AGBL4: variants seen among roughly 807,000 people sequenced by gnomAD.
AGBL4 encodes the protein AGBL carboxypeptidase 4, also known as cytosolic carboxypeptidase 6.
AGBL4 carries 58 observed loss-of-function variants against 66.4 expected under a neutral mutation model. The ratio of observed to expected loss-of-function variants is 0.87; its 90% CI spans 0.71 to 1.09. The LOEUF (loss-of-function observed/expected upper bound fraction) is 1.09, where lower values mean the gene tolerates loss of function less well. AGBL4 is among the 50% of genes least tolerant of loss of function. The pLI is 0.00. For synonymous variants in AGBL4, 234 were observed against 222.9 expected (o/e 1.05, Z -0.44); for missense variants, 579 against 631.0 (o/e 0.92, Z 0.88).
At chr1:48,545,411 G>C (rs1391153641) in intron 11 of AGBL4, among the ~76,000 whole-genome samples, 2 of 152,148 alleles carry the variant, frequency 1.3e-5, no homozygotes, top group Non-Finnish European at 2.9e-5. Flanking sequence ...TTTGAGTCAA[G>C]AAACAGGACA....
intron 6 of AGBL4, among the ~76,000 whole-genome samples, chr1:48,687,272 G>A (rs1373036014): frequency 6.6e-6 from 1 of 152,220 alleles, no homozygotes; most frequent in African/African-American, 2.4e-5. Context: ...GGCCAGGGGA[G>A]CTGCCAACCA....
intron 6 of AGBL4, among the ~76,000 whole-genome samples, chr1:48,774,733 A>G (rs1287757990): frequency 6.6e-6 from 1 of 152,328 alleles, no homozygotes; most frequent in East Asian, 1.9e-4. Flanking sequence ...TCAAAATCAG[A>G]GCTGGTGGGA....
chr1:49,286,667 A>T (rs1314669648), intron 3 of AGBL4, among the ~76,000 whole-genome samples: 2 of 151,980 alleles, frequency 1.3e-5, no homozygotes, highest in East Asian at 3.9e-4. Flanking sequence ...GATGTGAAGG[A>T]CCTCTTCAAG....
intron 3 of AGBL4, among the ~76,000 whole-genome samples, chr1:49,393,461 T>A (rs1644891813): frequency 6.6e-6 from 1 of 152,168 alleles, no homozygotes; most frequent in African/African-American, 2.4e-5. Flanking sequence ...TTGATTTTGT[T>A]CAGTTGATAT....
At chr1:49,138,809 G>A (rs1646062525) in intron 4 of AGBL4, among the ~76,000 whole-genome samples, 1 of 152,114 alleles carries the variant, frequency 6.6e-6, no homozygotes, top group Admixed American at 6.6e-5. Context: ...TGTCAGCACT[G>A]GATTAGAGGA....
intron 5 of AGBL4, among the ~76,000 whole-genome samples, chr1:48,884,658 A>G (rs1650133054): frequency 6.6e-6 from 1 of 152,208 alleles, no homozygotes. Context: ...GATGGAGCAG[A>G]CAAGACATGC....
intron 4 of AGBL4, among the ~76,000 whole-genome samples, chr1:49,154,478 A>C (rs1646394152): frequency 6.6e-6 from 1 of 152,158 alleles, no homozygotes; most frequent in South Asian, 2.1e-4. Context: ...GACTGACCTC[A>C]ACACTGCACA....
chr1:49,054,326 A>G (rs547610798), intron 4 of AGBL4, among the ~76,000 whole-genome samples: 1 of 152,190 alleles, frequency 6.6e-6, no homozygotes, highest in South Asian at 2.1e-4. Flanking sequence ...AAGCTTTTGG[A>G]AATTAATTCT....
intron 10 of AGBL4, among the ~76,000 whole-genome samples, chr1:48,588,726 C>G (rs1644863251): frequency 6.7e-6 from 1 of 149,898 alleles, no homozygotes; most frequent in Admixed American, 6.7e-5. Flanking sequence ...CATAGAATGT[C>G]AGATCTGAAA....
chr1:49,645,265 T>C (rs1304943150), intron 3 of AGBL4, among the ~76,000 whole-genome samples: 1 of 151,314 alleles, frequency 6.6e-6, no homozygotes, highest in Non-Finnish European at 1.5e-5. Flanking sequence ...GCAAAAGTAA[T>C]ATGGAAAATT....
At chr1:49,456,124 G>A (rs767589883) in intron 3 of AGBL4, among the ~76,000 whole-genome samples, 6 of 151,620 alleles carry the variant, frequency 4.0e-5, no homozygotes, top group African/African-American at 7.3e-5. Context: ...TGAGCTTCCC[G>A]CCCTTTCTGC....
chr1:48,860,864 A>C (rs549931772), intron 6 of AGBL4, among the ~76,000 whole-genome samples: 1 of 152,364 alleles, frequency 6.6e-6, no homozygotes, highest in South Asian at 2.1e-4. Context: ...TTAAAATTTC[A>C]AAACACATGA....
intron 3 of AGBL4, among the ~76,000 whole-genome samples, chr1:49,317,163 C>T (rs960299464): frequency 9.2e-5 from 14 of 151,584 alleles, no homozygotes; most frequent in African/African-American, 2.4e-4. Context: ...GGTTATGAGC[C>T]GGATTTTTTG....
intron 4 of AGBL4, chr1:49,175,062 C>T (rs568281742): frequency 1.8e-4 from 28 of 152,120 alleles, no homozygotes; most frequent in African/African-American, 6.3e-4. Flanking sequence ...AGATTTTGTC[C>T]AAATTCCTTC....
chr1:49,607,551 G>A (rs1003355964), intron 3 of AGBL4, among the ~76,000 whole-genome samples: 1 of 152,034 alleles, frequency 6.6e-6, no homozygotes, highest in African/African-American at 2.4e-5. Flanking sequence ...CCTCTTCTAG[G>A]AGGCATTATC....
chr1:48,593,492 C>T lies in AGBL4; in HGVS notation c.952-2507G>A, dbSNP rs1195639968. ...CCTGGCTGGGTGCAGTGGCTCATGC[C>T]TGTAATCCCAGCACTTTGGGAGGCA... On this transcript the variant is annotated intron_variant, in intron 9 of 13. Transcript: ENST00000371839. 2.6e-5 allele frequency among the ~76,000 whole-genome samples: 4 copies of T among 152,208 alleles called. No individual in the cohort carries two copies. In the East Asian group the frequency reaches 7.7e-4, roughly 29 times the overall value.
At chr1:49,643,228 A>G (rs1460192849) in intron 3 of AGBL4, among the ~76,000 whole-genome samples, 1 of 151,918 alleles carries the variant, frequency 6.6e-6, no homozygotes, top group African/African-American at 2.4e-5. Context: ...ATAAAGCCAT[A>G]TTAAACACTG....
Position 49,302,695 on chromosome 1 carries a change from T to C in AGBL4, c.283-56831A>G, listed in dbSNP as rs1379422746. ...TTTATTTTATATTCCTAGAGATATGTGCAGGACATGCAGGTTGTTACATAG... is the reference window on the plus strand; with the variant it reads ...TTTATTTTATATTCCTAGAGATATGCGCAGGACATGCAGGTTGTTACATAG... On this transcript the variant is annotated intron_variant, in intron 3 of 13. Transcript: ENST00000371839. 2.7e-5 allele frequency among the ~76,000 whole-genome samples: 4 copies of C among 147,816 alleles called. No homozygotes were observed. The East Asian group carries it at 8.1e-4, about 30-fold the overall frequency.
At chr1:49,128,421 G>C (rs1357729766) in intron 4 of AGBL4, among the ~76,000 whole-genome samples, 1 of 151,958 alleles carries the variant, frequency 6.6e-6, no homozygotes, top group Non-Finnish European at 1.5e-5. Context: ...TGAAAAACAA[G>C]GTTGGAGAGC....
Sources: allele counts gnomAD v4.1 joint callset (sites outside exome capture counted in the v4.1 genomes callset), GRCh38; gene constraint gnomAD v4.1.1; transcripts MANE v1.5; gene names NCBI Gene and HGNC (gene_info 2026-07-23, HGNC 2026-07-21).